FAM9C: variants seen among roughly 807,000 people sequenced by gnomAD.
FAM9C encodes protein FAM9C.
A neutral mutation model predicts 14.8 loss-of-function variants in FAM9C; 15 were observed. The observed-to-expected ratio is 1.02, with a 90% CI of 0.68 to 1.56. The LOEUF is 1.56. Ranked by LOEUF, FAM9C falls within the 40% of genes most tolerant of loss-of-function variation. FAM9C has a pLI of 0.00. For missense variants in FAM9C, 116 were observed against 118.0 expected (o/e 0.98, Z 0.08); for synonymous variants, 45 against 37.5 (o/e 1.20, Z -0.74).
intron 4 of FAM9C, chrX:13,042,701 C>T (rs1345041657): frequency 2.2e-6 from 1 of 453,816 alleles, no homozygotes; most frequent in East Asian, 3.9e-5. Flanking sequence ...AGAAAAGCCA[C>T]CCCTCTTGCT....
intron 4 of FAM9C, 79 bp downstream of exon 4, chrX:13,042,839 A>G (rs747154437): frequency 1.9e-6 from 2 of 1,039,459 alleles, no homozygotes; most frequent in Admixed American, 2.2e-5. Flanking sequence ...CTTGTCATCC[A>G]CTAATTCATA....
rs1336241698 is a variant in FAM9C at position 13,043,975 on chromosome X, G to A, written c.-68-118C>T. ...CTCCCGTGGGAGCAGGAGGGGACGC[G>A]GAGAAGATGCCATCATCCCCTCCTG... is the stretch of plus-strand genomic sequence containing the variant. On this transcript the variant is annotated intron_variant, in intron 1 of 7. Transcript: ENST00000380625. 6.5e-5 allele frequency: 29 copies of A among 445,899 alleles called. No individual in the cohort carries two copies. In the South Asian group the frequency reaches 9.3e-4, roughly 14 times the overall value. 36.7% of individuals were successfully genotyped at this position (445,899 alleles called of 1,213,427 possible).
In FAM9C at chrX:13,043,172, C is replaced by G; in HGVS notation, c.138G>C (p.Glu46Asp). The G allele has an allele frequency of 1.7e-6, 2 of 1,211,317 alleles. No homozygotes were observed. Among genetic ancestry groups the G allele is most frequent in the South Asian group, 1.8e-5 (1 of 56,750 alleles). Residue 46 changes from glutamate (E) to aspartate (D), a missense_variant, in exon 3 of 8, where the codon GAG becomes GAC. Physicochemically the swap from Glu to Asp is conservative, Grantham distance 45. Transcript: ENST00000380625. Reference protein sequence around the residue: ...TETKEGDVTDEHGERGSFAET... With the variant: ...TETKEGDVTDDHGERGSFAET... Reference sequence around the variant, plus strand: ...CAGCAAAAGATCCTCTTTCCCCATGCTCATCAGTTACATCTCCCTCCTTTG... The same window carrying G: ...CAGCAAAAGATCCTCTTTCCCCATGGTCATCAGTTACATCTCCCTCCTTTG...
chrX:13,043,226 C>T lies in FAM9C; in HGVS notation c.84G>A (p.Glu28=), dbSNP rs758284274. ...ELAGKDPVSH[E]HEERKPVTET... is the part of the protein sequence containing the mutation. ...CTGTAACAGGTTTTCTTTCCTCATG[C>T]TCATGACTTACTGGATCCTTTCCTG... is the stretch of plus-strand genomic sequence containing the variant. The change falls in exon 3 of 8, where the codon GAG becomes GAA. Residue 28 remains glutamate, a synonymous_variant. Transcript: ENST00000380625. The T allele has an allele frequency of 8.3e-7, 1 of 1,206,591 alleles. No individual in the cohort carries two copies. Among genetic ancestry groups the T allele is most frequent in the East Asian group, 3.0e-5 (1 of 33,818 alleles).
Position 13,038,432 on chromosome X carries a change from T to G in FAM9C, c.*9A>C, listed in dbSNP as rs762995508. On this transcript the variant is annotated 3_prime_UTR_variant, in exon 7 of 8. Transcript: ENST00000380625. ...AGAACAGACCTTTGTGAATTGCTCG[T>G]GTGGTGGCTCAATCTCTTTCAGTTC... The G allele has an allele frequency of 6.7e-6, 8 of 1,201,307 alleles. No homozygotes were observed. Among genetic ancestry groups the G allele is most frequent in the Non-Finnish European group, 9.0e-6 (8 of 891,147 alleles).
chrX:13,038,371 T>C (rs766875592), intron 7 of FAM9C, 45 bp downstream of exon 7: 96 of 970,054 alleles, frequency 9.9e-5, no homozygotes, highest in Non-Finnish European at 1.3e-4. Flanking sequence ...TTTATGCATG[T>C]GTTGTATTTT....
intron 5 of FAM9C, chrX:13,040,425 A>T (rs1165940818): frequency 5.4e-6 from 2 of 371,803 alleles, no homozygotes; most frequent in Non-Finnish European, 3.5e-6. Context: ...ATAATTGAAT[A>T]TTGTTAAGAA....
Position 13,038,393 on chromosome X carries a change from T to C in FAM9C, c.*25+23A>G, listed in dbSNP as rs2043496801. ...ATGTGTTGTATTTTATAAGAACGTA[T>C]TGTGTTACCAAATAGAACAGACCTT... On this transcript the variant is annotated intron_variant, in intron 7 of 7. Transcript: ENST00000380625. 2.7e-6 allele frequency: 3 copies of C among 1,092,369 alleles called. No individual in the cohort carries two copies. The East Asian group carries it at 9.6e-5, about 35-fold the overall frequency. The allele number at this position is 1,092,369 out of a possible 1,213,427, so 90.0% of individuals were successfully genotyped here.
intron 7 of FAM9C, chrX:13,038,202 T>A (rs2043494667): frequency 6.8e-6 from 2 of 293,196 alleles, no homozygotes; most frequent in African/African-American, 5.5e-5. Flanking sequence ...TACAAAACTA[T>A]TCATGAATCC....
intron 7 of FAM9C, chrX:13,038,003 C>T (rs781570912): frequency 2.6e-5 from 3 of 113,716 alleles, no homozygotes; most frequent in African/African-American, 9.7e-5. Context: ...CTTGAAACAA[C>T]ACAAGTAAAA....
rs146375267 is a variant in FAM9C at position 13,038,491 on chromosome X, C to T, written c.451G>A (p.Glu151Lys). The change falls in exon 7 of 8, where the codon GAG becomes AAG. Residue 151 changes from glutamate to lysine, a missense_variant. By Grantham distance (56) the Glu-to-Lys change is moderately conservative. Coordinates refer to ENST00000380625, the MANE Select transcript of FAM9C (RefSeq NM_174901.6). Reference protein sequence around the residue: ...EKEEQIKIFQEQQKRWQQDGK... With the variant: ...EKEEQIKIFQKQQKRWQQDGK... ...TCTTGTTGCCACCTCTTTTGTTGCT[C>T]TTGAAATATTTTCTAGAGGCACAAA... 1.9e-5 allele frequency: 23 copies of T among 1,202,490 alleles called. No individual in the cohort carries two copies. The highest frequency in any genetic ancestry group is 2.6e-5 in the Non-Finnish European group (23 of 892,194).
intron 4 of FAM9C, 32 bp from the exon 5 acceptor site, chrX:13,040,904 C>T: frequency 1.1e-6 from 1 of 931,363 alleles, no homozygotes; most frequent in African/African-American, 2.0e-5. Flanking sequence ...ATTAAATGTT[C>T]ATGTTGAAAA....
Position 13,043,130 on chromosome X carries a change from C to G in FAM9C, c.180G>C (p.Thr60=), listed in dbSNP as rs774806450. The change falls in exon 3 of 8, where the codon ACG becomes ACC. Residue 60 remains threonine, a splice_region_variant and synonymous_variant. Coordinates refer to ENST00000380625, the MANE Select transcript of FAM9C (RefSeq NM_174901.6). ...CAAAAGGGACTTAAACACTTTACCC[C>G]GTGTGTTCATCTGTTTCAGCAAAAG... ...RGSFAETDEH[T]GVDTKELEDI... is the part of the protein sequence containing the mutation. 1 of 1,206,302 alleles carries G rather than the reference C, an allele frequency of 8.3e-7. No individual in the cohort carries two copies. The highest frequency in any genetic ancestry group is 1.1e-6 in the Non-Finnish European group (1 of 893,751).
chrX:13,041,132 AT>A (rs973943757), intron 4 of FAM9C: 4 of 182,188 alleles, frequency 2.2e-5, no homozygotes, highest in Middle Eastern at 1.8e-3. Context: ...AAAAGTTTCT[AT>A]TTTTTAAGTG....
intron 2 of FAM9C, 143 bp from the exon 3 acceptor site, chrX:13,043,391 G>C: frequency 8.4e-6 from 7 of 832,608 alleles, no homozygotes; most frequent in Non-Finnish European, 1.2e-5. Flanking sequence ...GGAATCGCCG[G>C]CTCCTAACCA....
At chrX:13,043,972 C>T (rs2043552192) in intron 1 of FAM9C, 115 bp from the exon 2 acceptor site, 4 of 448,694 alleles carry the variant, frequency 8.9e-6, no homozygotes, top group Admixed American at 3.6e-5. Context: ...CAGGAGGGGA[C>T]GCGGAGAAGA....
In FAM9C at chrX:13,035,807, C is replaced by T. The variant is rs1242127866; in HGVS notation, c.*237G>A. On this transcript the variant is annotated 3_prime_UTR_variant, in exon 8 of 8. Coordinates refer to ENST00000380625, the MANE Select transcript of FAM9C (RefSeq NM_174901.6). The stretch of plus-strand genomic sequence containing the variant: ...ACAGAACTGTCTAGGGTTCATTCAA[C>T]AGATCATAGAAACGTGGTCTGGCAT... The T allele has an allele frequency of 8.9e-6, 1 of 112,249 alleles. No individual in the cohort carries two copies. The highest frequency in any genetic ancestry group is 9.4e-5 in the Admixed American group (1 of 10,606). The allele number at this position is 112,249 out of a possible 1,213,427, so 9.3% of individuals were successfully genotyped here. A position where few individuals can be genotyped will look rare whatever the true frequency, so the allele number is the denominator to read the frequency against.
intron 6 of FAM9C, 65 bp downstream of exon 6, chrX:13,039,743 A>G: frequency 8.8e-7 from 1 of 1,142,262 alleles, no homozygotes; most frequent in Admixed American, 2.8e-5. Flanking sequence ...GGATTTCTGC[A>G]TGAACTATTA....
Position 13,038,415 on chromosome X carries a change from C to A in FAM9C, c.*25+1G>T. 2 of 1,187,302 alleles carry A rather than the reference C, an allele frequency of 1.7e-6. No individual in the cohort carries two copies. The highest frequency in any genetic ancestry group is 2.3e-6 in the Non-Finnish European group (2 of 882,946). ...GTATTGTGTTACCAAATAGAACAGA[C>A]CTTTGTGAATTGCTCGTGTGGTGGC... On this transcript the variant is annotated splice_donor_variant, in intron 7 of 7. Coordinates refer to ENST00000380625, the MANE Select transcript of FAM9C (RefSeq NM_174901.6). LOFTEE classifies it low-confidence loss of function (3UTR_SPLICE).
Sources: gnomAD v4.1 joint callset for allele counts on GRCh38, gnomAD v4.1.1 for gene constraint, MANE v1.5 for transcripts, NCBI Gene and HGNC (gene_info 2026-07-23, HGNC 2026-07-21) for gene names.